The following DENND1A variants were observed in gnomAD, a reference collection of about 807,000 sequenced individuals.
The protein encoded by DENND1A is DENN domain containing 1A, also known as DENN domain-containing protein 1A.
In DENND1A, 51 loss-of-function variants were observed where a neutral mutation model predicts 113.7. That is an observed-to-expected ratio of 0.45 (90% confidence interval 0.36 to 0.57). The LOEUF (loss-of-function observed/expected upper bound fraction) is 0.57, where lower values mean the gene tolerates loss of function less well. DENND1A is among the 20% of genes least tolerant of loss of function. The probability of loss-of-function intolerance (pLI) is 0.00; values close to 1 mark genes in which losing one functional copy is unlikely to be tolerated. For synonymous variants in DENND1A, 565 were observed against 570.8 expected, an observed-to-expected ratio of 0.99 and a Z score of 0.14; for missense variants, 1,258 against 1,395.9, an observed-to-expected ratio of 0.90 and a Z score of 1.57.
chr9:123,647,327 T>C (rs2062391798), intron 9 of DENND1A, among the ~76,000 whole-genome samples: 1 of 152,270 alleles, frequency 6.6e-6, no homozygotes, highest in Non-Finnish European at 1.5e-5. Flanking sequence ...TAAAGCTTTG[T>C]TGGCACACAA....
At chr9:123,818,549 CACACACACACACACACACAT>C (rs1287027619) in intron 2 of DENND1A, among the ~76,000 whole-genome samples, 29 of 148,000 alleles carry the variant, frequency 2.0e-4, no homozygotes, top group Admixed American at 6.8e-4. Context: ...CACACACACA[CACACACACACACACACACAT>C]ATATATATAT....
At chr9:123,763,270 G>A (rs1474534959) in intron 4 of DENND1A, among the ~76,000 whole-genome samples, 1 of 152,192 alleles carries the variant, frequency 6.6e-6, no homozygotes, top group Non-Finnish European at 1.5e-5. Context: ...GGTGAGACTG[G>A]ATGGTGGCTT....
chr9:123,566,789 G>T (rs1172038925), intron 12 of DENND1A, among the ~76,000 whole-genome samples: 2 of 152,100 alleles, frequency 1.3e-5, no homozygotes, highest in African/African-American at 4.8e-5. Context: ...GAAACACACA[G>T]TAGTGAAGAC....
intron 5 of DENND1A, among the ~76,000 whole-genome samples, chr9:123,707,536 G>A (rs1001208848): frequency 6.6e-6 from 1 of 152,166 alleles, no homozygotes; most frequent in Non-Finnish European, 1.5e-5. Flanking sequence ...AGGAAAACAG[G>A]GTTCCCTTCC....
intron 2 of DENND1A, chr9:123,843,601 T>A (rs571576249): frequency 5.4e-6 from 1 of 184,526 alleles, no homozygotes; most frequent in Non-Finnish European, 1.2e-5. Flanking sequence ...ATGCTTGGAG[T>A]GACCTTTAGC....
At chr9:123,726,338 C>T (rs929884544) in intron 5 of DENND1A, among the ~76,000 whole-genome samples, 1 of 152,170 alleles carries the variant, frequency 6.6e-6, no homozygotes, top group Admixed American at 6.5e-5. Context: ...TCAGATAATT[C>T]AATAATAACG....
chr9:123,711,236 G>A (rs12349006), intron 5 of DENND1A, among the ~76,000 whole-genome samples: 11,914 of 151,352 alleles, frequency 0.079, 660 homozygotes, highest in African/African-American at 0.15. Flanking sequence ...AGGCTGAGGC[G>A]AGTGGATCAC....
chr9:123,816,542 TTATAA>T (rs1245482385), intron 2 of DENND1A, among the ~76,000 whole-genome samples: 4 of 152,210 alleles, frequency 2.6e-5, no homozygotes, highest in Admixed American at 6.5e-5. Context: ...TACAAACTTA[TTATAA>T]TATAATATGA....
intron 16 of DENND1A, among the ~76,000 whole-genome samples, chr9:123,453,216 G>GA (rs2047866468): frequency 6.6e-6 from 1 of 152,210 alleles, no homozygotes; most frequent in Non-Finnish European, 1.5e-5. Flanking sequence ...GGACAGCACA[G>GA]TAAATAATTA....
chr9:123,401,749 C>T lies in DENND1A; in HGVS notation c.1631+1653G>A. 1.9e-6 allele frequency: 3 copies of T among 1,609,510 alleles called. No homozygotes were observed. The South Asian group carries it at 3.3e-5, about 18-fold the overall frequency. The stretch of plus-strand genomic sequence containing the variant: ...GGAAAATGGGATTATCAGACACCGG[C>T]TCTTTGGCACACACTGCGAAGTCAG... On this transcript the variant is annotated intron_variant, in intron 21 of 23. Coordinates refer to ENST00000394215, the MANE Select transcript of DENND1A (RefSeq NM_001352964.2).
At chr9:123,623,152 CAAAAT>C (rs1252957962) in intron 10 of DENND1A, among the ~76,000 whole-genome samples, 1 of 151,798 alleles carries the variant, frequency 6.6e-6, no homozygotes, top group African/African-American at 2.4e-5. Flanking sequence ...AAAAAAAAAT[CAAAAT>C]AAAAACAATC....
intron 5 of DENND1A, among the ~76,000 whole-genome samples, chr9:123,682,308 C>CG (rs1167003017): frequency 1.1e-4 from 16 of 152,128 alleles, no homozygotes; most frequent in Admixed American, 6.5e-4. Flanking sequence ...CAGTGCCTCC[C>CG]GGGGGAAGAC....
chr9:123,809,898 T>C (rs921145702), intron 2 of DENND1A, among the ~76,000 whole-genome samples: 3 of 152,142 alleles, frequency 2.0e-5, no homozygotes, highest in Non-Finnish European at 4.4e-5. Context: ...CTCGAACTCC[T>C]GAACTTGATC....
intron 1 of DENND1A, among the ~76,000 whole-genome samples, chr9:123,907,530 C>G (rs879297425): frequency 5.7e-5 from 8 of 139,416 alleles, no homozygotes; most frequent in Non-Finnish European, 1.1e-4. Flanking sequence ...ACAAAAATCA[C>G]AAGCATTCTT....
At chr9:123,476,653 G>C (rs771788276) in intron 13 of DENND1A, among the ~76,000 whole-genome samples, 4 of 152,200 alleles carry the variant, frequency 2.6e-5, no homozygotes, top group Non-Finnish European at 5.9e-5. Context: ...AACGAGGTGT[G>C]GGAGGCGGTA....
intron 21 of DENND1A, among the ~76,000 whole-genome samples, chr9:123,402,889 A>C (rs149545969): frequency 6.6e-6 from 1 of 152,194 alleles, no homozygotes; most frequent in Non-Finnish European, 1.5e-5. Context: ...CATAACACCC[A>C]GGGAGCTCCG....
chr9:123,641,436 CAA>C (rs34664320), intron 9 of DENND1A, among the ~76,000 whole-genome samples: 11,734 of 113,350 alleles, frequency 0.1, 864 homozygotes, highest in African/African-American at 0.23. Context: ...AATGAAATGG[CAA>C]AAAAAAAAAA....
chr9:123,676,109 G>A (rs1303593777), intron 6 of DENND1A, among the ~76,000 whole-genome samples: 2 of 152,134 alleles, frequency 1.3e-5, no homozygotes, highest in Admixed American at 1.3e-4. Context: ...GAAAATGTGG[G>A]CTACAAAAAT....
rs1168546766 is a variant in DENND1A, at chr9:123,711,505, G to GTATATATATA, written c.303-34717_303-34716insTATATATATA. Among the ~76,000 whole-genome samples, 317 of 62,272 alleles carry GTATATATATA rather than the reference G, an allele frequency of 5.1e-3. 1 individual carries two copies. Among genetic ancestry groups the GTATATATATA allele is most frequent in the African/African-American group, 0.025 (271 of 10,888 alleles). The allele number at this position is 62,272 out of a possible 152,430, so 40.9% of individuals were successfully genotyped here. A position where few individuals can be genotyped will look rare whatever the true frequency, so the allele number is the denominator to read the frequency against. ...TTAAAAAATATATATATATATATAT[G>GTATATATATA]TATATATGTATATATATATATATAT... On this transcript the variant is annotated intron_variant, in intron 5 of 23. Transcript: ENST00000394215.
Sources: allele counts gnomAD v4.1 joint callset (sites outside exome capture counted in the v4.1 genomes callset), GRCh38; gene constraint gnomAD v4.1.1; transcripts MANE v1.5; gene names NCBI Gene and HGNC (gene_info 2026-07-23, HGNC 2026-07-21).